The following CTNNA2 variants were observed in gnomAD, a reference collection of about 807,000 sequenced individuals.
The protein encoded by CTNNA2 is catenin alpha 2, also known as catenin alpha-2.
CTNNA2 carries 42 observed loss-of-function variants against 101.0 expected under a neutral mutation model. The observed-to-expected ratio is 0.42, with a 90% CI of 0.32 to 0.54. CTNNA2 has a LOEUF of 0.54. CTNNA2 is among the 20% of genes least tolerant of loss of function. CTNNA2 has a pLI of 0.14. For missense variants in CTNNA2, 871 were observed against 1,223.1 expected (o/e 0.71, Z 4.29); for synonymous variants, 450 against 456.4 (o/e 0.99, Z 0.18).
At chr2:80,350,390 A>G (rs1418001957) in intron 7 of CTNNA2, among the ~76,000 whole-genome samples, 2 of 152,222 alleles carry the variant, frequency 1.3e-5, no homozygotes, top group Non-Finnish European at 2.9e-5. Context: ...TCATTTAGAT[A>G]GATGCCCGCT....
Position 80,130,966 on chromosome 2 carries a change from C to CA in CTNNA2, c.1056+221180dup, listed in dbSNP as rs200904422. 7.0e-3 allele frequency among the ~76,000 whole-genome samples: 987 copies of CA among 140,190 alleles called. 9 individuals are homozygous for CA. Among genetic ancestry groups the CA allele is most frequent in the East Asian group, 0.018 (90 of 4,906 alleles). The allele number at this position is 140,190 out of a possible 152,430, so 92.0% of individuals were successfully genotyped here. ...ATGAGAGAAAATGTCACAGCTATAC[C>CA]AAAAAAAAAAAGAGAAGAATTGATA... On this transcript the variant is annotated intron_variant, in intron 7 of 18. Transcript: ENST00000402739.
At chr2:79,907,823 A>G (rs1349295067) in intron 6 of CTNNA2, among the ~76,000 whole-genome samples, 1 of 152,220 alleles carries the variant, frequency 6.6e-6, no homozygotes, top group East Asian at 1.9e-4. Flanking sequence ...GTGATTTTCT[A>G]AAAAATCCAA....
In CTNNA2 at chr2:80,450,306, CT is replaced by C. The variant is rs76540370; in HGVS notation, c.1290+30716del. On this transcript the variant is annotated intron_variant, in intron 9 of 18. Coordinates refer to ENST00000402739, the MANE Select transcript of CTNNA2 (RefSeq NM_001282597.3). ...AATTTCCTTGTTGTAACCATAATAGCTTTTTTTTTTTCCTTTTTAAAGGACC... is the reference window on the plus strand; with the variant it reads ...AATTTCCTTGTTGTAACCATAATAGCTTTTTTTTTTCCTTTTTAAAGGACC... 8.9e-3 allele frequency among the ~76,000 whole-genome samples: 1,303 copies of C among 146,382 alleles called. 21 individuals carry two copies. Among genetic ancestry groups the C allele is most frequent in the African/African-American group, 0.029 (1,152 of 40,174 alleles).
intron 7 of CTNNA2, among the ~76,000 whole-genome samples, chr2:80,022,928 G>A (rs28507712): frequency 0.054 from 8,240 of 152,220 alleles, 645 homozygotes; most frequent in African/African-American, 0.17. Context: ...GCTTTACCAA[G>A]CCTAAGATCT....
intron 6 of CTNNA2, among the ~76,000 whole-genome samples, chr2:79,902,921 G>A (rs1028041815): frequency 2.0e-5 from 3 of 152,112 alleles, no homozygotes; most frequent in East Asian, 1.9e-4. Context: ...CACTGCGCCC[G>A]GTCAGCAAAT....
intron 4 of CTNNA2, among the ~76,000 whole-genome samples, chr2:79,453,657 A>G (rs1456576846): frequency 6.6e-6 from 1 of 152,158 alleles, no homozygotes; most frequent in Non-Finnish European, 1.5e-5. Context: ...GACAAACAGT[A>G]TATATATATT....
chr2:80,134,088 G>A (rs1702559846), intron 7 of CTNNA2, among the ~76,000 whole-genome samples: 2 of 152,040 alleles, frequency 1.3e-5, no homozygotes, highest in African/African-American at 4.8e-5. Context: ...CAGATTGTTG[G>A]GAAAATTAAC....
intron 1 of CTNNA2, among the ~76,000 whole-genome samples, chr2:79,610,361 A>C (rs1475244055): frequency 6.6e-6 from 1 of 152,134 alleles, no homozygotes; most frequent in East Asian, 1.9e-4. Flanking sequence ...GCAGTTTTCC[A>C]CTTTCATAAA....
chr2:79,565,828 T>G (rs1453833503), intron 1 of CTNNA2, among the ~76,000 whole-genome samples: 2 of 152,032 alleles, frequency 1.3e-5, no homozygotes, highest in Non-Finnish European at 2.9e-5. Context: ...TAGAGCTCAG[T>G]GGAGAGATCT....
At chr2:80,033,866 T>A (rs1286621766) in intron 7 of CTNNA2, among the ~76,000 whole-genome samples, 1 of 151,232 alleles carries the variant, frequency 6.6e-6, no homozygotes, top group African/African-American at 2.4e-5. Context: ...TATAGATCAT[T>A]CAGTAAAAAT....
In CTNNA2 at chr2:79,909,669, A is replaced by C; in HGVS notation, c.928A>C (p.Ile310Leu). ...GTCCCTGGAGGAGAGGCTGGAGAGC[A>C]TCATCAGCGGCGCAGCGCTGATGGC... ...RPSLEERLES[I>L]ISGAALMADS... Residue 310 changes from isoleucine to leucine, a missense_variant, in exon 7 of 19, where the codon ATC becomes CTC. Ile to Leu is a conservative substitution (Grantham distance 5, BLOSUM62 2). Coordinates refer to ENST00000402739, the MANE Select transcript of CTNNA2 (RefSeq NM_001282597.3). 6.2e-7 allele frequency: 1 copy of C among 1,613,782 alleles called. No individual in the cohort carries two copies. The highest frequency in any genetic ancestry group is 8.5e-7 in the Non-Finnish European group (1 of 1,179,750).
chr2:79,469,751 G>A (rs140453995), intron 4 of CTNNA2, among the ~76,000 whole-genome samples: 268 of 152,142 alleles, frequency 1.8e-3, no homozygotes, highest in African/African-American at 5.9e-3. Flanking sequence ...ACATAATCCG[G>A]CATATAAACA....
At chr2:79,788,762 G>T (rs895297289) in intron 3 of CTNNA2, among the ~76,000 whole-genome samples, 1 of 152,182 alleles carries the variant, frequency 6.6e-6, no homozygotes, top group African/African-American at 2.4e-5. Context: ...CCAGGTATCA[G>T]TGCTCTTTTG....
At chr2:79,496,563 A>C (rs1671257959) in intron 4 of CTNNA2, among the ~76,000 whole-genome samples, 1 of 151,856 alleles carries the variant, frequency 6.6e-6, no homozygotes, top group Non-Finnish European at 1.5e-5. Context: ...TTTTTTTTGC[A>C]GAATATCTTC....
chr2:79,381,176 G>A lies in CTNNA2; in HGVS notation c.-135+7163G>A, dbSNP rs17017022. Reference sequence around the variant, plus strand: ...TGAGTAAGTAGAAGAACTCACAAGCGTATTTAAAAAGGGAAAGCTAGAACT... The same window carrying A: ...TGAGTAAGTAGAAGAACTCACAAGCATATTTAAAAAGGGAAAGCTAGAACT... On this transcript the variant is annotated intron_variant, in intron 4 of 21. Coordinates refer to the CTNNA2 transcript ENST00000466387. Among the ~76,000 whole-genome samples, 272 of 152,242 alleles carry A rather than the reference G, an allele frequency of 1.8e-3. 9 individuals are homozygous for A. The East Asian group carries it at 0.042, about 24-fold the overall frequency.
rs886862182 is a variant in CTNNA2, at chr2:80,232,287, A to G, written c.1057-160924A>G. Among the ~76,000 whole-genome samples, 2 of 146,400 alleles carry G rather than the reference A, an allele frequency of 1.4e-5. 1 individual carries two copies. Among genetic ancestry groups the G allele is most frequent in the Non-Finnish European group, 3.0e-5 (2 of 67,116 alleles). On this transcript the variant is annotated intron_variant, in intron 7 of 18. Coordinates refer to ENST00000402739, the MANE Select transcript of CTNNA2 (RefSeq NM_001282597.3). ...GTCATCGTCCTCATATTTGACTTGG[A>G]ATAAATCTCTTCAAATATTTTACAG...
At chr2:79,970,389 C>T (rs778052790) in intron 7 of CTNNA2, among the ~76,000 whole-genome samples, 1 of 152,178 alleles carries the variant, frequency 6.6e-6, no homozygotes, top group Non-Finnish European at 1.5e-5. Flanking sequence ...GTCAAAGAGC[C>T]TGTCTTAATT....
intron 2 of CTNNA2, among the ~76,000 whole-genome samples, chr2:79,703,763 C>T (rs1342078718): frequency 6.6e-6 from 1 of 152,156 alleles, no homozygotes; most frequent in Admixed American, 6.5e-5. Flanking sequence ...AGGACTTCTA[C>T]ATTAAAATCT....
At chr2:80,217,236 T>G (rs1193914719) in intron 7 of CTNNA2, among the ~76,000 whole-genome samples, 3 of 152,156 alleles carry the variant, frequency 2.0e-5, no homozygotes, top group Non-Finnish European at 4.4e-5. Context: ...ATATATATAT[T>G]GCTAAGCAGG....
Sources: allele counts gnomAD v4.1 joint callset (sites outside exome capture counted in the v4.1 genomes callset), GRCh38; gene constraint gnomAD v4.1.1; transcripts MANE v1.5; gene names NCBI Gene and HGNC (gene_info 2026-07-23, HGNC 2026-07-21).